Variants in CFAP77 observed in about 807,000 individuals in gnomAD.
CFAP77 encodes the protein cilia and flagella associated protein 77, also known as cilia- and flagella-associated protein 77.
In CFAP77, 25 loss-of-function variants were observed where a neutral mutation model predicts 31.1. The observed-to-expected ratio is 0.80, with a 90% CI of 0.59 to 1.12. The LOEUF (loss-of-function observed/expected upper bound fraction) is 1.12. CFAP77 is among the 50% of genes most tolerant of loss of function. The pLI is 0.00. For missense variants in CFAP77, 377 were observed against 397.3 expected (o/e 0.95, Z 0.44); for synonymous variants, 151 against 159.9 (o/e 0.94, Z 0.42).
At chr9:132,464,066 G>A (rs960569997) in intron 1 of CFAP77, among the ~76,000 whole-genome samples, 1 of 152,336 alleles carries the variant, frequency 6.6e-6, no homozygotes, top group East Asian at 1.9e-4. Flanking sequence ...TGTGCTTACA[G>A]TGAACGTCTC....
intron 1 of CFAP77, among the ~76,000 whole-genome samples, chr9:132,440,332 G>T (rs1210535291): frequency 6.6e-6 from 1 of 151,960 alleles, no homozygotes; most frequent in Non-Finnish European, 1.5e-5. Flanking sequence ...GTGAGACCCT[G>T]TCTCAAAATA....
rs748291403 is a variant in CFAP77, at chr9:132,410,334, G to A, written c.63G>A (p.Val21=). The A allele has an allele frequency of 7.9e-5, 127 of 1,598,298 alleles. No individual in the cohort carries two copies. The highest frequency in any genetic ancestry group is 1.1e-4 in the Non-Finnish European group (125 of 1,173,764). ...LTRWRKQQQP[V]RRTVSQVCPP... ...GATGGAGGAAGCAGCAGCAGCCTGT[G>A]CGCCGCACGGTCAGCCAGGTCTGCC... The change falls in exon 1 of 6, where the codon GTG becomes GTA. Residue 21 remains valine (V), a synonymous_variant. Transcript: ENST00000393216.
intron 5 of CFAP77, among the ~76,000 whole-genome samples, chr9:132,544,169 G>A (rs958557323): frequency 6.6e-6 from 1 of 152,158 alleles, no homozygotes; most frequent in African/African-American, 2.4e-5. Context: ...CCCCCTTGAC[G>A]CGGCCTCTCA....
intron 5 of CFAP77, among the ~76,000 whole-genome samples, chr9:132,550,124 C>T (rs910637193): frequency 1.3e-5 from 2 of 152,164 alleles, no homozygotes; most frequent in Admixed American, 6.6e-5. Flanking sequence ...AAGGGATGAC[C>T]GAAGCTGACA....
In CFAP77 at chr9:132,499,621, G is replaced by A; in HGVS notation, c.524+21G>A. The A allele has an allele frequency of 6.2e-7, 1 of 1,610,786 alleles. No homozygotes were observed. The highest frequency in any genetic ancestry group is 8.5e-7 in the Non-Finnish European group (1 of 1,177,040). ...GCACGGTAAGGTGGCTGGCAGCCAG[G>A]GCTTCATCCCTTGAGGGGGTGGAGG... On this transcript the variant is annotated intron_variant, in intron 3 of 5. Coordinates refer to ENST00000393216, the MANE Select transcript of CFAP77 (RefSeq NM_001282957.2). The surrounding 1 kb of genome is among the most constrained non-coding windows in gnomAD (Gnocchi z 5.4).
At chr9:132,530,361 C>T (rs1031709576) in intron 3 of CFAP77, among the ~76,000 whole-genome samples, 1 of 151,304 alleles carries the variant, frequency 6.6e-6, no homozygotes, top group African/African-American at 2.4e-5. Context: ...CTGCAACTTC[C>T]ACCTCCCAGG....
At chr9:132,535,139 T>C (rs1589912831) in intron 3 of CFAP77, among the ~76,000 whole-genome samples, 1 of 152,234 alleles carries the variant, frequency 6.6e-6, no homozygotes, top group East Asian at 1.9e-4. Context: ...TTACTTTTTA[T>C]CAAGAGGAAA....
intron 3 of CFAP77, among the ~76,000 whole-genome samples, chr9:132,519,099 C>T (rs183555336): frequency 1.5e-4 from 23 of 151,528 alleles, no homozygotes; most frequent in Non-Finnish European, 2.8e-4. Context: ...CCCCAGAGGG[C>T]AGGGAGCCAC....
chr9:132,488,841 G>A (rs1259814251), intron 1 of CFAP77, among the ~76,000 whole-genome samples: 2 of 152,204 alleles, frequency 1.3e-5, no homozygotes, highest in Non-Finnish European at 2.9e-5. Context: ...AGAATCCCAG[G>A]ACCCCCTGGG....
intron 1 of CFAP77, among the ~76,000 whole-genome samples, chr9:132,471,267 C>A (rs1323663604): frequency 6.6e-6 from 1 of 152,158 alleles, no homozygotes; most frequent in East Asian, 1.9e-4. Flanking sequence ...GAATGAGAGG[C>A]AGAAGTTGAG....
rs192275674 is a variant in CFAP77 at position 132,413,380 on chromosome 9, A to T, written c.195+2914A>T. ...TTAAAACCAAGTCAACTGGTTATTT[A>T]ATAGGAGTGATTGAATCAAGTCGGT... On this transcript the variant is annotated intron_variant, in intron 1 of 5. Coordinates refer to ENST00000393216, the MANE Select transcript of CFAP77 (RefSeq NM_001282957.2). Among the ~76,000 whole-genome samples the T allele has an allele frequency of 1.4e-3, 220 of 152,350 alleles. 1 individual carries two copies. Among genetic ancestry groups the T allele is most frequent in the African/African-American group, 5.2e-3 (215 of 41,584 alleles).
chr9:132,539,842 C>A lies in CFAP77; in HGVS notation c.630+2136C>A, dbSNP rs1247221737. Among the ~76,000 whole-genome samples the A allele has an allele frequency of 6.6e-6, 1 of 152,230 alleles. No homozygotes were observed. The highest frequency in any genetic ancestry group is 2.4e-5 in the African/African-American group (1 of 41,462). On this transcript the variant is annotated intron_variant, in intron 4 of 5. Coordinates refer to ENST00000393216, the MANE Select transcript of CFAP77 (RefSeq NM_001282957.2). This position sits in a 1 kb window ranked among gnomAD's most constrained non-coding sequence, Gnocchi z 4.3. The stretch of plus-strand genomic sequence containing the variant: ...AAGAGTCCACTTGCTGTGGTGATGG[C>A]CGATTTCAGAGGGAGCATTACCAGC...
At chr9:132,518,691 C>T (rs1852192476) in intron 3 of CFAP77, among the ~76,000 whole-genome samples, 1 of 152,196 alleles carries the variant, frequency 6.6e-6, no homozygotes, top group African/African-American at 2.4e-5. Flanking sequence ...CTGTGTTCAC[C>T]CTGTTCCCTG....
chr9:132,433,786 G>A (rs540237), intron 1 of CFAP77, among the ~76,000 whole-genome samples: 11,557 of 151,868 alleles, frequency 0.076, 540 homozygotes, highest in African/African-American at 0.12. Flanking sequence ...GACCTCAGGT[G>A]ATCCACCCGC....
At chr9:132,537,538 TG>T in intron 3 of CFAP77, 62 bp from the exon 4 acceptor site, 1 of 1,246,350 alleles carries the variant, frequency 8.0e-7, no homozygotes, top group Non-Finnish European at 1.1e-6. Flanking sequence ...GGGCGGGCGG[TG>T]GGGAGCGGGT....
intron 1 of CFAP77, among the ~76,000 whole-genome samples, chr9:132,464,890 G>A (rs1851122690): frequency 6.6e-6 from 1 of 151,830 alleles, no homozygotes; most frequent in Admixed American, 6.6e-5. Context: ...TCAGGAATTC[G>A]AGACCACCCT....
intron 1 of CFAP77, among the ~76,000 whole-genome samples, chr9:132,475,301 C>A (rs1041399863): frequency 5.3e-5 from 8 of 152,296 alleles, no homozygotes; most frequent in African/African-American, 1.9e-4. Flanking sequence ...TGGAAGAGCC[C>A]AGCCTGGGTA....
intron 5 of CFAP77, among the ~76,000 whole-genome samples, chr9:132,567,789 C>T (rs114492466): frequency 0.014 from 2,179 of 152,264 alleles, 38 homozygotes; most frequent in African/African-American, 0.049. Flanking sequence ...TGTGGGCTCC[C>T]GATGCTCCTT....
intron 3 of CFAP77, among the ~76,000 whole-genome samples, chr9:132,522,693 C>T (rs960812695): frequency 6.6e-6 from 1 of 152,226 alleles, no homozygotes; most frequent in African/African-American, 2.4e-5. Context: ...CAGGGAAATG[C>T]TAGATGTCCC....
Sources: gnomAD v4.1 joint callset for allele counts (sites outside exome capture counted in the v4.1 genomes callset) on GRCh38, gnomAD v4.1.1 for gene constraint, Gnocchi (gnomAD v3.1) non-coding constraint, MANE v1.5 for transcripts, NCBI Gene and HGNC (gene_info 2026-07-23, HGNC 2026-07-21) for gene names.